The following NUMB variants were observed in gnomAD, a reference collection of about 807,000 sequenced individuals.
NUMB encodes protein numb homolog.
A neutral mutation model predicts 59.7 loss-of-function variants in NUMB; 29 were observed. The observed-to-expected ratio is 0.49, with a 90% CI of 0.36 to 0.66. The LOEUF (loss-of-function observed/expected upper bound fraction) is 0.66. Among genes scored for constraint, NUMB ranks in the 30% least tolerant of loss-of-function variants. NUMB has a pLI of 0.00. For missense variants in NUMB, 723 were observed against 822.0 expected, an observed-to-expected ratio of 0.88 and a Z score of 1.47; for synonymous variants, 288 against 288.2, an observed-to-expected ratio of 1.00 and a Z score of 0.01.
chr14:73,353,669 G>A (rs764458119), intron 4 of NUMB, among the ~76,000 whole-genome samples: 5 of 146,958 alleles, frequency 3.4e-5, no homozygotes, highest in African/African-American at 1.0e-4. Flanking sequence ...CCGAGATCTC[G>A]TCACTCCAGC....
At chr14:73,350,555 C>CT (rs201806108) in intron 4 of NUMB, among the ~76,000 whole-genome samples, 1,495 of 146,328 alleles carry the variant, frequency 0.01, 14 homozygotes, top group South Asian at 0.03. Flanking sequence ...ACTTTTTTTT[C>CT]TTTTTTTTTT....
Position 73,308,544 on chromosome 14 carries a change from G to A in NUMB, c.234+7846C>T, listed in dbSNP as rs138235612. On this transcript the variant is annotated intron_variant, in intron 6 of 12. Transcript: ENST00000555238. ...CAATCACATGAAGTAGGCATTAATC[G>A]CAAAGCTAGTAAATGCAAGTAATCT... Among the ~76,000 whole-genome samples, 427 of 152,236 alleles carry A rather than the reference G, an allele frequency of 2.8e-3. 1 individual carries two copies. The highest frequency in any genetic ancestry group is 4.5e-3 in the Non-Finnish European group (308 of 68,014).
rs141317676 is a variant in NUMB, at chr14:73,341,882, A to G, written c.126+13744T>C. Among the ~76,000 whole-genome samples the G allele has an allele frequency of 1.0e-3, 155 of 152,352 alleles. 1 individual carries two copies. The highest frequency in any genetic ancestry group is 2.2e-3 in the African/African-American group (92 of 41,582). On this transcript the variant is annotated intron_variant, in intron 4 of 12. Coordinates refer to ENST00000555238, the MANE Select transcript of NUMB (RefSeq NM_001005743.2). ...AGAACCCTCTAGAGCTAAAGCTACTAGAGTTCAAATCCTACCTTCAAATAA... is the reference window on the plus strand; with the variant it reads ...AGAACCCTCTAGAGCTAAAGCTACTGGAGTTCAAATCCTACCTTCAAATAA...
rs374462085 is a variant in NUMB, at chr14:73,372,557, T to C, written c.-100-5576A>G. On this transcript the variant is annotated intron_variant, in intron 2 of 12. Transcript: ENST00000555238. Reference sequence around the variant, plus strand: ...TAAAAACCACAACTTCCAATTCAAATCCAACATCACAGGGTTTATTTCAGC... The same window carrying C: ...TAAAAACCACAACTTCCAATTCAAACCCAACATCACAGGGTTTATTTCAGC... 3.3e-5 allele frequency among the ~76,000 whole-genome samples: 5 copies of C among 150,674 alleles called. No individual in the cohort carries two copies. The South Asian group carries it at 1.0e-3, about 31-fold the overall frequency.
Position 73,334,060 on chromosome 14 carries a change from T to G in NUMB, c.127-10856A>C, listed in dbSNP as rs183653096. On this transcript the variant is annotated intron_variant, in intron 4 of 12. Transcript: ENST00000555238. ...TTGGGGGTTTTTTGTGTGTGTGTGTTTTTTTTTCGAGATGGAGTTTCGTTC... is the reference window on the plus strand; with the variant it reads ...TTGGGGGTTTTTTGTGTGTGTGTGTGTTTTTTTCGAGATGGAGTTTCGTTC... Among the ~76,000 whole-genome samples the G allele has an allele frequency of 2.3e-3, 351 of 151,376 alleles. 1 individual carries two copies. The highest frequency in any genetic ancestry group is 7.1e-3 in the African/African-American group (294 of 41,140).
At chr14:73,391,690 T>C (rs1435926724) in intron 2 of NUMB, among the ~76,000 whole-genome samples, 2 of 152,134 alleles carry the variant, frequency 1.3e-5, no homozygotes, top group African/African-American at 4.8e-5. Flanking sequence ...GCCCCAGCAT[T>C]TGCATTACTA....
intron 1 of NUMB, among the ~76,000 whole-genome samples, chr14:73,427,357 C>A (rs1438641985): frequency 6.6e-6 from 1 of 151,922 alleles, no homozygotes; most frequent in East Asian, 1.9e-4. Context: ...CCCTGCTACT[C>A]AGGAGGCTGA....
chr14:73,333,535 T>C (rs952743393), intron 4 of NUMB, among the ~76,000 whole-genome samples: 7 of 152,088 alleles, frequency 4.6e-5, no homozygotes, highest in African/African-American at 1.7e-4. Flanking sequence ...CCTGGCCTTC[T>C]TTGGAGAAAT....
At chr14:73,282,639 G>T in intron 10 of NUMB, 134 bp from the exon 11 acceptor site, 2 of 941,378 alleles carry the variant, frequency 2.1e-6, no homozygotes, top group Non-Finnish European at 3.0e-6. Context: ...TGTATGGCAG[G>T]GCTACAAAAC....
At chr14:73,454,114 G>A (rs1884186794) in intron 1 of NUMB, among the ~76,000 whole-genome samples, 1 of 151,802 alleles carries the variant, frequency 6.6e-6, no homozygotes, top group African/African-American at 2.4e-5. Flanking sequence ...TCACTACCTG[G>A]GTGACAGGAC....
At chr14:73,297,177 T>A (rs777996429) in intron 7 of NUMB, 34 bp downstream of exon 7, 2 of 1,426,450 alleles carry the variant, frequency 1.4e-6, no homozygotes, top group East Asian at 2.3e-5. Context: ...CCAAAAAAAA[T>A]AAAATAAATC....
intron 1 of NUMB, among the ~76,000 whole-genome samples, chr14:73,455,128 C>A (rs1884262856): frequency 6.6e-6 from 1 of 152,008 alleles, no homozygotes; most frequent in South Asian, 2.1e-4. Context: ...GAAATATAAT[C>A]TGAAATAAAA....
At chr14:73,380,286 A>G (rs532586862) in intron 2 of NUMB, among the ~76,000 whole-genome samples, 65 of 152,342 alleles carry the variant, frequency 4.3e-4, no homozygotes, top group African/African-American at 1.5e-3. Context: ...ATACAGAGTG[A>G]GAGTGAAAGA....
chr14:73,411,919 C>CTTTT lies in NUMB; in HGVS notation c.-232-1855_-232-1852dup, dbSNP rs935625343. On this transcript the variant is annotated intron_variant, in intron 1 of 12. Transcript: ENST00000555238. Reference sequence around the variant, plus strand: ...GAATAAGAAGACAAGCAGCAATTAACTTTTTTTTTTTTTTTTTTTTTTTGA... The same window carrying CTTTT: ...GAATAAGAAGACAAGCAGCAATTAACTTTTTTTTTTTTTTTTTTTTTTTTTTTGA... 5.9e-4 allele frequency among the ~76,000 whole-genome samples: 63 copies of CTTTT among 106,784 alleles called. 1 individual carries two copies. The highest frequency in any genetic ancestry group is 3.1e-3 in the East Asian group (10 of 3,194). 70.1% of individuals were successfully genotyped at this position (106,784 alleles called of 152,430 possible). A position where few individuals can be genotyped will look rare whatever the true frequency, so the allele number is the denominator to read the frequency against.
intron 5 of NUMB, 137 bp downstream of exon 5, chr14:73,322,993 G>A: frequency 1.6e-6 from 1 of 638,002 alleles, no homozygotes; most frequent in Non-Finnish European, 2.7e-6. Flanking sequence ...GCTTGGCTGA[G>A]ATGCTCCTTA....
intron 8 of NUMB, among the ~76,000 whole-genome samples, chr14:73,288,941 G>A (rs1444497466): frequency 2.0e-5 from 3 of 152,046 alleles, no homozygotes; most frequent in Non-Finnish European, 2.9e-5. Context: ...TCCTACTTGG[G>A]AGGTGGGAGG....
At chr14:73,348,622 G>A (rs1893035039) in intron 4 of NUMB, among the ~76,000 whole-genome samples, 2 of 152,328 alleles carry the variant, frequency 1.3e-5, no homozygotes, top group South Asian at 4.1e-4. Context: ...TCTAAGGCCT[G>A]AAGTGGAACA....
intron 11 of NUMB, among the ~76,000 whole-genome samples, chr14:73,280,843 G>A (rs1888583297): frequency 6.6e-6 from 1 of 151,640 alleles, no homozygotes. Context: ...ATAGGTGCCT[G>A]CCACCATGCC....
intron 3 of NUMB, among the ~76,000 whole-genome samples, chr14:73,356,407 C>A (rs867710914): frequency 1.1e-4 from 16 of 152,248 alleles, no homozygotes; most frequent in African/African-American, 3.1e-4. Flanking sequence ...CTTTGGGAGG[C>A]TGAGATGGGC....
Sources: gnomAD v4.1 joint callset for allele counts (sites outside exome capture counted in the v4.1 genomes callset) on GRCh38, gnomAD v4.1.1 for gene constraint, MANE v1.5 for transcripts, NCBI Gene and HGNC (gene_info 2026-07-23, HGNC 2026-07-21) for gene names.